The following REN variants were observed in gnomAD, a reference collection of about 807,000 sequenced individuals.
The protein encoded by REN is renin.
Under a neutral mutation model 48.6 loss-of-function variants are expected in REN, and 42 were observed. The ratio of observed to expected loss-of-function variants is 0.86; its 90% CI spans 0.68 to 1.12. The LOEUF is 1.12. Among genes scored for constraint, REN ranks in the 50% most tolerant of loss-of-function variants. The pLI, the probability that REN is intolerant of heterozygous loss-of-function variation, is 0.00. For synonymous variants in REN, 196 were observed against 204.6 expected (o/e 0.96, Z 0.36); for missense variants, 443 against 527.3 (o/e 0.84, Z 1.57).
chr1:204,155,120 G>A lies in REN; in HGVS notation c.1117C>T (p.Pro373Ser), dbSNP rs1658125610. The stretch of plus-strand genomic sequence containing the variant: ...AGGGCCCAGGTGGGTCCAGTGGGTG[G>A]CGGGATATCCATGGCGTGGATGGCC... ...TLAIHAMDIP[P>S]PTGPTWALGA... Residue 373 changes from proline (P) to serine (S), a missense_variant, in exon 10 of 10, where the codon CCA (proline) becomes TCA (serine). Transcript: ENST00000272190. The A allele has an allele frequency of 6.2e-7, 1 of 1,614,254 alleles. No individual in the cohort carries two copies.
chr1:204,160,739 G>A, intron 3 of REN, 61 bp from the exon 4 acceptor site: 1 of 1,208,710 alleles, frequency 8.3e-7, no homozygotes, highest in Non-Finnish European at 1.2e-6. Flanking sequence ...GGACTCAGAG[G>A]CAGGGTGCAT....
intron 8 of REN, 76 bp from the exon 9 acceptor site, chr1:204,155,994 C>T: frequency 6.9e-7 from 1 of 1,450,240 alleles, no homozygotes; most frequent in Admixed American, 1.7e-5. Flanking sequence ...CGCTGGTGGC[C>T]TGGTCTCTCT....
chr1:204,161,095 T>A (rs558226351), intron 3 of REN, among the ~76,000 whole-genome samples, 197 bp downstream of exon 3: 17 of 152,062 alleles, frequency 1.1e-4, no homozygotes, highest in African/African-American at 3.9e-4. Context: ...GGACCTTTTT[T>A]TGTTTTTAAC....
In REN at chr1:204,155,919, C is replaced by T; in HGVS notation, c.961-1G>A. 1 of 1,612,314 alleles carries T rather than the reference C, an allele frequency of 6.2e-7. No individual in the cohort carries two copies. Among genetic ancestry groups the T allele is most frequent in the Non-Finnish European group, 8.5e-7 (1 of 1,178,722 alleles). ...GGCCCTCGTTACACTTCACGACATACTGGGGTGGGGGGCAAAGAGAGCCTT... is the reference window on the plus strand; with the variant it reads ...GGCCCTCGTTACACTTCACGACATATTGGGGTGGGGGGCAAAGAGAGCCTT... On this transcript the variant is annotated splice_acceptor_variant, in intron 8 of 9. Coordinates refer to ENST00000272190, the MANE Select transcript of REN (RefSeq NM_000537.4). LOFTEE classifies it high-confidence loss of function.
chr1:204,154,868 G>A lies in REN; in HGVS notation c.*148C>T. ...TTTGTCCTCAAAGCAGGGAAGGGCT[G>A]GTGCAGGGGTCAGGGCACGCATCCA... On this transcript the variant is annotated 3_prime_UTR_variant, in exon 10 of 10. Transcript: ENST00000272190. 1.2e-6 allele frequency: 1 copy of A among 843,576 alleles called. No individual in the cohort carries two copies. The highest frequency in any genetic ancestry group is 1.9e-6 in the Non-Finnish European group (1 of 518,910). 52.3% of individuals were successfully genotyped at this position (843,576 alleles called of 1,614,324 possible).
In REN at chr1:204,157,371, T is replaced by C; in HGVS notation, c.690-2A>G. 1 of 1,614,244 alleles carries C rather than the reference T, an allele frequency of 6.2e-7. No individual in the cohort carries two copies. The highest frequency in any genetic ancestry group is 8.5e-7 in the Non-Finnish European group (1 of 1,180,028). ...GTTTTGTCTCCTTACTCGGAATCTC[T>C]GCAGAGAAAGAGAGACAGCAGAAAG... On this transcript the variant is annotated splice_acceptor_variant, in intron 5 of 9. Transcript: ENST00000272190. LOFTEE classifies it high-confidence loss of function.
At position 204,160,561 on chromosome 1, in the gene REN, G is replaced by T. The variant is rs780104854; in HGVS notation, c.491C>A (p.Thr164Asn). ...ATGACCTAGGGCGGCCCAACTTACG[G>T]TGATGATGTCCTGGCTGAGAAAGCC... The part of the protein sequence containing the change: ...VSGFLSQDII[T>N]VGGITVTQMF... Residue 164 changes from threonine to asparagine, a missense_variant and splice_region_variant, in exon 4 of 10, where the codon ACC (threonine) becomes AAC (asparagine). Thr to Asn is a moderately conservative substitution (Grantham distance 65, BLOSUM62 0). Transcript: ENST00000272190. 43 of 1,610,716 alleles carry T rather than the reference G, an allele frequency of 2.7e-5. No individual in the cohort carries two copies. In the Admixed American group the frequency reaches 2.8e-4, roughly 11 times the overall value.
intron 9 of REN, 46 bp downstream of exon 9, chr1:204,155,774 G>T: frequency 7.2e-7 from 1 of 1,385,006 alleles, no homozygotes; most frequent in Non-Finnish European, 1.0e-6. Context: ...GAGGGTCTCT[G>T]TCCAGCCTTT....
In REN at chr1:204,156,563, G is replaced by T; in HGVS notation, c.818+114C>A. On this transcript the variant is annotated intron_variant, in intron 7 of 9. Transcript: ENST00000272190. The surrounding 1 kb of genome is among the most constrained non-coding windows in gnomAD (Gnocchi z 4.2). Reference sequence around the variant, plus strand: ...GAGAGCAAATGGTGGCTGTGCTTAAGAAGTGGCTGCATTTGGAAAGAGGGC... The same window carrying T: ...GAGAGCAAATGGTGGCTGTGCTTAATAAGTGGCTGCATTTGGAAAGAGGGC... 1 of 1,485,540 alleles carries T rather than the reference G, an allele frequency of 6.7e-7. No individual in the cohort carries two copies. The allele number at this position is 1,485,540 out of a possible 1,614,324, so 92.0% of individuals were successfully genotyped here. A position where few individuals can be genotyped will look rare whatever the true frequency, so the allele number is the denominator to read the frequency against.
At chr1:204,157,499 T>C in intron 5 of REN, 130 bp from the exon 6 acceptor site, 1 of 1,329,160 alleles carries the variant, frequency 7.5e-7, no homozygotes, top group South Asian at 1.2e-5. Flanking sequence ...AGAGGCGAAG[T>C]CACTTGCCTG....
At chr1:204,155,287 C>T (rs949360661) in intron 9 of REN, 110 bp from the exon 10 acceptor site, 1 of 1,299,536 alleles carries the variant, frequency 7.7e-7, no homozygotes, top group Non-Finnish European at 1.1e-6. Context: ...TCGCCCCCAT[C>T]TCTCCCCTAG....
At chr1:204,158,160 T>A (rs1658181710) in intron 5 of REN, among the ~76,000 whole-genome samples, 1 of 139,762 alleles carries the variant, frequency 7.2e-6, no homozygotes, top group South Asian at 2.5e-4. Context: ...CTACATCTCA[T>A]GACCTCCACT....
At chr1:204,158,337 C>A (rs1465142560) in intron 5 of REN, among the ~76,000 whole-genome samples, 1 of 151,682 alleles carries the variant, frequency 6.6e-6, no homozygotes, top group Non-Finnish European at 1.5e-5. Context: ...CTCCATTTTA[C>A]TGTGAGATTT....
Position 204,162,183 on chromosome 1 carries a change from G to A in REN, c.99-20C>T. ...AAGATCCTGGCCCAGGGTGGAGGAA[G>A]CAAAAATAGAAAAGTGCTGTACCTC... is the stretch of plus-strand genomic sequence containing the variant. On this transcript the variant is annotated intron_variant, in intron 1 of 9. Coordinates refer to ENST00000272190, the MANE Select transcript of REN (RefSeq NM_000537.4). The A allele has an allele frequency of 6.2e-7, 1 of 1,613,688 alleles. No individual in the cohort carries two copies. Among genetic ancestry groups the A allele is most frequent in the Non-Finnish European group, 8.5e-7 (1 of 1,179,828 alleles).
chr1:204,163,627 G>A (rs914667521), intron 1 of REN, among the ~76,000 whole-genome samples: 1 of 151,532 alleles, frequency 6.6e-6, no homozygotes, highest in Non-Finnish European at 1.5e-5. Context: ...GGCCCAACAT[G>A]TACCCCCACC....
chr1:204,157,801 A>G (rs1658174449), intron 5 of REN, among the ~76,000 whole-genome samples: 1 of 152,202 alleles, frequency 6.6e-6, no homozygotes, highest in Non-Finnish European at 1.5e-5. Flanking sequence ...ATATGCTAGC[A>G]CAAATTCCCT....
Position 204,157,378 on chromosome 1 carries a change from A to G in REN, c.690-9T>C. 6.2e-7 allele frequency: 1 copy of G among 1,614,234 alleles called. No individual in the cohort carries two copies. Among genetic ancestry groups the G allele is most frequent in the Non-Finnish European group, 8.5e-7 (1 of 1,180,042 alleles). On this transcript the variant is annotated splice_polypyrimidine_tract_variant and intron_variant, in intron 5 of 9. Transcript: ENST00000272190. Reference sequence around the variant, plus strand: ...CTCCTTACTCGGAATCTCTGCAGAGAAAGAGAGACAGCAGAAAGGAAGCTT... The same window carrying G: ...CTCCTTACTCGGAATCTCTGCAGAGGAAGAGAGACAGCAGAAAGGAAGCTT...
intron 1 of REN, among the ~76,000 whole-genome samples, chr1:204,165,444 G>T (rs962454810): frequency 1.3e-5 from 2 of 152,160 alleles, no homozygotes; most frequent in African/African-American, 2.4e-5. Context: ...ACTTGGAGAG[G>T]TTAAATAACT....
intron 5 of REN, among the ~76,000 whole-genome samples, chr1:204,158,155 T>C (rs1658181639): frequency 7.3e-6 from 1 of 136,098 alleles, no homozygotes; most frequent in African/African-American, 2.8e-5. Context: ...GCAGCCTACA[T>C]CTCATGACCT....
Sources: allele counts gnomAD v4.1 joint callset (sites outside exome capture counted in the v4.1 genomes callset), GRCh38; gene constraint gnomAD v4.1.1; non-coding constraint Gnocchi (gnomAD v3.1); transcripts MANE v1.5; gene names NCBI Gene and HGNC (gene_info 2026-07-23, HGNC 2026-07-21).